Variants in C1QTNF3 observed in about 807,000 individuals in gnomAD.
C1QTNF3 encodes the protein complement C1q tumor necrosis factor-related protein 3.
C1QTNF3 carries 26 observed loss-of-function variants against 32.6 expected under a neutral mutation model. That is an observed-to-expected ratio of 0.80 (90% CI 0.58 to 1.11). C1QTNF3 has a LOEUF of 1.11. Ranked by LOEUF, C1QTNF3 falls within the 50% of genes least tolerant of loss-of-function variation. C1QTNF3 has a pLI of 0.00. For synonymous variants in C1QTNF3, 155 were observed against 146.0 expected (o/e 1.06, Z -0.44); for missense variants, 362 against 398.2 (o/e 0.91, Z 0.77).
At chr5:34,220,168 T>A in the C1QTNF3 span, among the ~76,000 whole-genome samples, 1 of 152,082 alleles carries the variant, frequency 6.6e-6, no homozygotes, top group Non-Finnish European at 1.5e-5. Context: ...AAAATGCATT[T>A]TTTCCTTACA....
the C1QTNF3 span, among the ~76,000 whole-genome samples, chr5:34,125,832 G>C: frequency 7.0e-3 from 1,062 of 152,252 alleles, 15 homozygotes; most frequent in African/African-American, 0.025. Context: ...AATATTTGTT[G>C]TGACTTTCTT....
chr5:34,051,171 A>G, the C1QTNF3 span, among the ~76,000 whole-genome samples: 1,955 of 152,328 alleles, frequency 0.013, 44 homozygotes, highest in African/African-American at 0.045. Context: ...GGGACACTAC[A>G]GCAAACCCTA....
At position 34,042,868 on chromosome 5, in the gene C1QTNF3, G is replaced by A. The variant is rs756327553; in HGVS notation, c.258C>T (p.His86=). Reference sequence around the variant, plus strand: ...TCTGGGCTAGGTCATCTACCTCGGGGTGCGGTAGCTCATCTGGTCTCAGGG... The same window carrying A: ...TCTGGGCTAGGTCATCTACCTCGGGATGCGGTAGCTCATCTGGTCTCAGGG... ...LKSLRPDELP[H]PEVDDLAQIT... is the part of the protein sequence containing the mutation. Residue 86 remains histidine (H), a synonymous_variant, in exon 1 of 6, where the codon CAC becomes CAT. Transcript: ENST00000382065. The A allele has an allele frequency of 1.9e-6, 3 of 1,614,132 alleles. No homozygotes were observed. Among genetic ancestry groups the A allele is most frequent in the South Asian group, 1.1e-5 (1 of 91,074 alleles).
At chr5:34,102,523 A>T in the C1QTNF3 span, among the ~76,000 whole-genome samples, 1 of 152,120 alleles carries the variant, frequency 6.6e-6, no homozygotes, top group East Asian at 1.9e-4. Flanking sequence ...GGCTATTTAA[A>T]CATCATCATC....
the C1QTNF3 span, among the ~76,000 whole-genome samples, chr5:34,172,172 A>C: frequency 6.6e-6 from 1 of 152,218 alleles, no homozygotes. Flanking sequence ...TAGGTAGTTC[A>C]AATCCTATAC....
the C1QTNF3 span, among the ~76,000 whole-genome samples, chr5:34,170,383 T>C: frequency 6.6e-6 from 1 of 152,256 alleles, no homozygotes; most frequent in East Asian, 1.9e-4. Context: ...GTTTATACTA[T>C]ATTGTGCATG....
chr5:34,138,860 C>A, the C1QTNF3 span, among the ~76,000 whole-genome samples: 1 of 152,208 alleles, frequency 6.6e-6, no homozygotes, highest in Admixed American at 6.5e-5. Flanking sequence ...TTAAGCATCA[C>A]AACACACGCA....
chr5:34,157,068 G>A, the C1QTNF3 span, among the ~76,000 whole-genome samples: 1 of 152,102 alleles, frequency 6.6e-6, no homozygotes, highest in Non-Finnish European at 1.5e-5. Flanking sequence ...TAATTTTTAT[G>A]ACTATTGGAG....
the C1QTNF3 span, among the ~76,000 whole-genome samples, chr5:34,207,463 G>C: frequency 6.6e-6 from 1 of 152,006 alleles, no homozygotes; most frequent in African/African-American, 2.4e-5. Flanking sequence ...TTTAAATTTT[G>C]TGGTTGTTCA....
In C1QTNF3 at chr5:34,037,935, G is replaced by A. The variant is rs554391925; in HGVS notation, c.304-2177C>T. On this transcript the variant is annotated intron_variant, in intron 1 of 5. Coordinates refer to ENST00000382065, the MANE Select transcript of C1QTNF3 (RefSeq NM_181435.6). ...TAAACCTCAGAAAATCCAGGGCTCT[G>A]CCAATGATGAATTTTAAGGATGGAG... Among the ~76,000 whole-genome samples the A allele has an allele frequency of 3.9e-5, 6 of 152,146 alleles. No individual in the cohort carries two copies. In the South Asian group the frequency reaches 1.2e-3, roughly 32 times the overall value.
At chr5:34,040,701 G>A (rs1754847451) in intron 1 of C1QTNF3, among the ~76,000 whole-genome samples, 1 of 152,038 alleles carries the variant, frequency 6.6e-6, no homozygotes, top group African/African-American at 2.4e-5. Flanking sequence ...ATCCTTCTTG[G>A]CACTAAAGTC....
Position 34,043,202 on chromosome 5 carries a change from A to G in C1QTNF3, c.-77T>C. 1 of 1,468,916 alleles carries G rather than the reference A, an allele frequency of 6.8e-7. No homozygotes were observed. Among genetic ancestry groups the G allele is most frequent in the Non-Finnish European group, 9.2e-7 (1 of 1,089,804 alleles). The allele number at this position is 1,468,916 out of a possible 1,614,324, so 91.0% of individuals were successfully genotyped here. The stretch of plus-strand genomic sequence containing the variant: ...AGCGTGGTCTCCTCGGGCAGATGCC[A>G]GGACTGGAGCTGAGAGCTGCAGCGG... On this transcript the variant is annotated 5_prime_UTR_variant, in exon 1 of 6. Transcript: ENST00000382065.
At position 34,019,314 on chromosome 5, in the gene C1QTNF3, A is replaced by G. The variant is rs1754269576; in HGVS notation, c.*1269T>C. ...TTGGAAATTATCTGCACCTTTTCCC[A>G]TCTCTGTTGTGAATCAATTTCCCAC... On this transcript the variant is annotated 3_prime_UTR_variant, in exon 6 of 6. Transcript: ENST00000382065. 1 of 152,078 alleles carries G rather than the reference A, an allele frequency of 6.6e-6. No individual in the cohort carries two copies. Among genetic ancestry groups the G allele is most frequent in the South Asian group, 2.1e-4 (1 of 4,820 alleles). The allele number at this position is 152,078 out of a possible 1,614,324, so 9.4% of individuals were successfully genotyped here.
the C1QTNF3 span, among the ~76,000 whole-genome samples, chr5:34,102,803 C>T: frequency 6.6e-6 from 1 of 152,076 alleles, no homozygotes; most frequent in Non-Finnish European, 1.5e-5. Flanking sequence ...AATGAGAACA[C>T]TTGGGAACAT....
the C1QTNF3 span, among the ~76,000 whole-genome samples, chr5:34,211,567 G>T: frequency 2.6e-5 from 3 of 117,070 alleles, no homozygotes; most frequent in Admixed American, 3.8e-4. Context: ...ACAGTCCCCA[G>T]AGTGTGATGT....
the C1QTNF3 span, among the ~76,000 whole-genome samples, chr5:34,123,919 C>T: frequency 6.6e-6 from 1 of 152,052 alleles, no homozygotes; most frequent in African/African-American, 2.4e-5. Flanking sequence ...TAATTTTGTG[C>T]TTGAAATACA....
chr5:34,052,399 T>C, the C1QTNF3 span, among the ~76,000 whole-genome samples: 1 of 152,228 alleles, frequency 6.6e-6, no homozygotes, highest in Admixed American at 6.5e-5. Flanking sequence ...ACGAGATCTT[T>C]ATTTTCTTAC....
the C1QTNF3 span, among the ~76,000 whole-genome samples, chr5:34,174,750 CT>C: frequency 4.6e-5 from 7 of 151,006 alleles, no homozygotes; most frequent in East Asian, 7.8e-4. Flanking sequence ...TTTGAAGACC[CT>C]TTTTTTTTGA....
At chr5:34,096,980 A>T in the C1QTNF3 span, among the ~76,000 whole-genome samples, 6 of 151,540 alleles carry the variant, frequency 4.0e-5, no homozygotes, top group African/African-American at 1.2e-4. Flanking sequence ...AACACAAAAC[A>T]ATAAAAAACC....
Sources: allele counts gnomAD v4.1 joint callset (sites outside exome capture counted in the v4.1 genomes callset), GRCh38; gene constraint gnomAD v4.1.1; transcripts MANE v1.5; gene names NCBI Gene and HGNC (gene_info 2026-07-23, HGNC 2026-07-21).